The following SPIDR variants were observed in gnomAD, a reference collection of about 807,000 sequenced individuals.
SPIDR encodes scaffold protein involved in DNA repair, also known as DNA repair-scaffolding protein.
A neutral mutation model predicts 104.6 loss-of-function variants in SPIDR; 93 were observed. The ratio of observed to expected loss-of-function variants is 0.89; its 90% CI spans 0.75 to 1.06. The LOEUF (loss-of-function observed/expected upper bound fraction) is 1.06, where lower values mean the gene tolerates loss of function less well. Ranked by LOEUF, SPIDR falls within the 50% of genes least tolerant of loss-of-function variation. The probability of loss-of-function intolerance (pLI) is 0.00; values close to 1 mark genes in which losing one functional copy is unlikely to be tolerated. For synonymous variants in SPIDR, 431 were observed against 416.9 expected, an observed-to-expected ratio of 1.03 and a Z score of -0.41; for missense variants, 1,154 against 1,111.2, an observed-to-expected ratio of 1.04 and a Z score of -0.55.
At chr8:47,270,226 A>G (rs1337201606) in intron 1 of SPIDR, among the ~76,000 whole-genome samples, 1 of 152,098 alleles carries the variant, frequency 6.6e-6, no homozygotes, top group Non-Finnish European at 1.5e-5. Context: ...TGTTTCTTAA[A>G]ATGTTTGGTA....
chr8:47,588,048 T>A (rs1436644301), intron 8 of SPIDR, among the ~76,000 whole-genome samples: 7 of 62,096 alleles, frequency 1.1e-4, no homozygotes, highest in Non-Finnish European at 1.8e-4. Flanking sequence ...TATATATATA[T>A]ATATATATAT....
At chr8:47,528,946 T>G (rs2154383564) in intron 8 of SPIDR, among the ~76,000 whole-genome samples, 1 of 152,072 alleles carries the variant, frequency 6.6e-6, no homozygotes, top group Non-Finnish European at 1.5e-5. Context: ...ACCAACAGGA[T>G]AAATAAAACA....
At chr8:47,571,717 A>C (rs963249686) in intron 8 of SPIDR, among the ~76,000 whole-genome samples, 1 of 152,214 alleles carries the variant, frequency 6.6e-6, no homozygotes, top group African/African-American at 2.4e-5. Flanking sequence ...GTTTTTGCCT[A>C]TGCATACATA....
intron 11 of SPIDR, among the ~76,000 whole-genome samples, chr8:47,687,674 A>G (rs1328751305): frequency 6.6e-6 from 1 of 152,242 alleles, no homozygotes; most frequent in African/African-American, 2.4e-5. Flanking sequence ...TCCAGAAGCC[A>G]CCTGCTGCCC....
At chr8:47,641,488 T>C (rs1407541689) in intron 10 of SPIDR, among the ~76,000 whole-genome samples, 1 of 152,236 alleles carries the variant, frequency 6.6e-6, no homozygotes, top group Admixed American at 6.5e-5. Flanking sequence ...CTTAGTAGAG[T>C]GCCTACTATA....
intron 14 of SPIDR, among the ~76,000 whole-genome samples, chr8:47,708,441 C>G (rs1373719048): frequency 6.6e-6 from 1 of 152,198 alleles, no homozygotes; most frequent in Non-Finnish European, 1.5e-5. Flanking sequence ...ACCTTCTACT[C>G]CCACACATGC....
intron 5 of SPIDR, chr8:47,360,761 AC>A (rs1281118691): frequency 7.1e-6 from 6 of 843,382 alleles, no homozygotes; most frequent in Non-Finnish European, 8.6e-6. Flanking sequence ...AAAACAAAAA[AC>A]AGAAGTGAAA....
At chr8:47,417,760 T>G (rs1235919522) in intron 7 of SPIDR, among the ~76,000 whole-genome samples, 3 of 152,200 alleles carry the variant, frequency 2.0e-5, no homozygotes, top group Non-Finnish European at 4.4e-5. Context: ...GTTTTAGGTC[T>G]AACATGTAAG....
intron 8 of SPIDR, among the ~76,000 whole-genome samples, chr8:47,469,429 T>C (rs1310349451): frequency 6.6e-6 from 1 of 152,152 alleles, no homozygotes; most frequent in African/African-American, 2.4e-5. Context: ...CATATGTTTG[T>C]TGCAGCATTG....
At chr8:47,279,493 G>C (rs2037289226) in intron 1 of SPIDR, 1 of 175,620 alleles carries the variant, frequency 5.7e-6, no homozygotes. Context: ...ATCAGACACT[G>C]TTCTCAGATC....
At chr8:47,478,941 T>A (rs1335738730) in intron 8 of SPIDR, among the ~76,000 whole-genome samples, 1 of 152,246 alleles carries the variant, frequency 6.6e-6, no homozygotes, top group Non-Finnish European at 1.5e-5. Flanking sequence ...AAGCCGTTCT[T>A]AGCTTGTTGT....
In SPIDR at chr8:47,260,941, C is replaced by G. The variant is rs1239230637; in HGVS notation, c.-18C>G. ...CGGCGCGCTGAGGAGGCGGTGCGCT[C>G]AGGCGGCGCTCCCGGAGATGCCCCG... On this transcript the variant is annotated 5_prime_UTR_variant, in exon 1 of 20. Coordinates refer to ENST00000297423, the MANE Select transcript of SPIDR (RefSeq NM_001080394.4). The G allele has an allele frequency of 3.3e-6, 4 of 1,228,124 alleles. No homozygotes were observed. The highest frequency in any genetic ancestry group is 4.1e-6 in the Non-Finnish European group (4 of 985,444). The allele number at this position is 1,228,124 out of a possible 1,614,324, so 76.1% of individuals were successfully genotyped here.
chr8:47,694,975 C>A (rs938005464), intron 11 of SPIDR, among the ~76,000 whole-genome samples: 3 of 151,782 alleles, frequency 2.0e-5, no homozygotes, highest in Non-Finnish European at 4.4e-5. Context: ...AACACAAAAA[C>A]ATATTTAGCA....
At chr8:47,473,789 G>A (rs781874456) in intron 8 of SPIDR, among the ~76,000 whole-genome samples, 6 of 152,140 alleles carry the variant, frequency 3.9e-5, no homozygotes, top group Non-Finnish European at 8.8e-5. Context: ...CTGGAAATTA[G>A]ATCCCAACTG....
At chr8:47,277,722 G>A (rs2036826500) in intron 1 of SPIDR, among the ~76,000 whole-genome samples, 1 of 140,460 alleles carries the variant, frequency 7.1e-6, no homozygotes, top group Admixed American at 7.7e-5. Flanking sequence ...TGCCCAGGCT[G>A]GAGTGCAAGT....
intron 6 of SPIDR, among the ~76,000 whole-genome samples, chr8:47,403,234 C>T (rs1326022818): frequency 6.6e-6 from 1 of 152,044 alleles, no homozygotes; most frequent in Non-Finnish European, 1.5e-5. Flanking sequence ...TATGACAAAC[C>T]CACAGCCAAT....
intron 6 of SPIDR, among the ~76,000 whole-genome samples, chr8:47,399,930 C>T (rs1228190861): frequency 1.3e-5 from 2 of 152,136 alleles, no homozygotes; most frequent in Non-Finnish European, 2.9e-5. Flanking sequence ...AGTTGAGCCG[C>T]TGGAGGGAGG....
At chr8:47,369,235 G>T (rs1291313265) in intron 5 of SPIDR, among the ~76,000 whole-genome samples, 5 of 152,230 alleles carry the variant, frequency 3.3e-5, no homozygotes, top group East Asian at 1.9e-4. Context: ...TTCAGAAAAG[G>T]TTTCTGCAAG....
intron 8 of SPIDR, among the ~76,000 whole-genome samples, chr8:47,583,553 G>A (rs564816493): frequency 3.3e-5 from 5 of 152,238 alleles, no homozygotes; most frequent in South Asian, 4.1e-4. Context: ...GATTGTAAAG[G>A]CCACACCACG....
Sources: gnomAD v4.1 joint callset for allele counts (sites outside exome capture counted in the v4.1 genomes callset) on GRCh38, gnomAD v4.1.1 for gene constraint, MANE v1.5 for transcripts, NCBI Gene and HGNC (gene_info 2026-07-23, HGNC 2026-07-21) for gene names.